PRTFDC1: variants seen among roughly 807,000 people sequenced by gnomAD.
The protein encoded by PRTFDC1 is phosphoribosyltransferase domain-containing protein 1.
PRTFDC1 carries 38 observed loss-of-function variants against 34.6 expected under a neutral mutation model. The observed-to-expected ratio is 1.10, with a 90% confidence interval of 0.85 to 1.44. The LOEUF is 1.44. Ranked by LOEUF, PRTFDC1 falls within the 40% of genes most tolerant of loss-of-function variation. The pLI, the probability that PRTFDC1 is intolerant of heterozygous loss-of-function variation, is 0.00. For synonymous variants in PRTFDC1, 93 were observed against 98.1 expected (o/e 0.95, Z 0.31); for missense variants, 270 against 283.0 (o/e 0.95, Z 0.33).
At chr10:24,866,315 C>A (rs979029497) in intron 4 of PRTFDC1, among the ~76,000 whole-genome samples, 1 of 145,484 alleles carries the variant, frequency 6.9e-6, no homozygotes, top group African/African-American at 2.5e-5. Context: ...GAGCTGAGAT[C>A]GTACCACTGC....
At chr10:24,926,688 C>A (rs914920594) in intron 3 of PRTFDC1, among the ~76,000 whole-genome samples, 1 of 152,216 alleles carries the variant, frequency 6.6e-6, no homozygotes, top group African/African-American at 2.4e-5. Context: ...CCCTGCTGCA[C>A]TGGACTTCAA....
intron 1 of PRTFDC1, among the ~76,000 whole-genome samples, chr10:24,943,910 C>T (rs542792084): frequency 1.3e-5 from 2 of 152,168 alleles, no homozygotes; most frequent in African/African-American, 2.4e-5. Flanking sequence ...CAGCTTTGAG[C>T]TTCTGAGGCC....
Position 24,952,440 on chromosome 10 carries a change from C to G in PRTFDC1, c.48+88G>C. ...CAAAGCGGTGGCCCTCTCTCTCCCCCGACGCACGGCAAGCATTTAATCTAC... is the reference window on the plus strand; with the variant it reads ...CAAAGCGGTGGCCCTCTCTCTCCCCGGACGCACGGCAAGCATTTAATCTAC... On this transcript the variant is annotated intron_variant, in intron 1 of 8. Transcript: ENST00000320152. The surrounding 1 kb of genome is among the most constrained non-coding windows in gnomAD (Gnocchi z 5.1). 6.9e-7 allele frequency: 1 copy of G among 1,443,248 alleles called. No homozygotes were observed. The highest frequency in any genetic ancestry group is 9.5e-7 in the Non-Finnish European group (1 of 1,052,168). 89.4% of individuals were successfully genotyped at this position (1,443,248 alleles called of 1,614,324 possible). A position where few individuals can be genotyped will look rare whatever the true frequency, so the allele number is the denominator to read the frequency against.
At chr10:24,923,733 GTTC>G (rs1379427216) in intron 3 of PRTFDC1, among the ~76,000 whole-genome samples, 6 of 152,300 alleles carry the variant, frequency 3.9e-5, no homozygotes, top group African/African-American at 1.4e-4. Flanking sequence ...AAAAACCAGA[GTTC>G]TTCTTCTCCT....
chr10:24,867,713 G>C (rs2484650), intron 4 of PRTFDC1: 33 of 151,642 alleles, frequency 2.2e-4, no homozygotes, highest in Admixed American at 1.1e-3. Context: ...CTTCAAAGCC[G>C]TCACCTATTT....
intron 3 of PRTFDC1, among the ~76,000 whole-genome samples, chr10:24,887,471 T>TGA (rs1848189858): frequency 6.6e-6 from 1 of 150,744 alleles, no homozygotes; most frequent in Admixed American, 6.6e-5. Flanking sequence ...GCTTCCCCCC[T>TGA]CTCCCTTCGC....
intron 3 of PRTFDC1, among the ~76,000 whole-genome samples, chr10:24,911,989 C>T (rs1368785812): frequency 6.6e-6 from 1 of 152,004 alleles, no homozygotes; most frequent in African/African-American, 2.4e-5. Context: ...AAATTGCCTG[C>T]TGGGTGCTGT....
chr10:24,947,087 C>G (rs1183840969), intron 1 of PRTFDC1, among the ~76,000 whole-genome samples: 1 of 152,202 alleles, frequency 6.6e-6, no homozygotes, highest in African/African-American at 2.4e-5. Flanking sequence ...CTGTAGTAAG[C>G]CATGATCGCA....
chr10:24,866,008 C>T (rs1847767886), intron 4 of PRTFDC1, among the ~76,000 whole-genome samples: 1 of 152,134 alleles, frequency 6.6e-6, no homozygotes, highest in South Asian at 2.1e-4. Flanking sequence ...ATGATTTAAA[C>T]AGTTAAGGCA....
At position 24,942,329 on chromosome 10, in the gene PRTFDC1, C is replaced by T. The variant is rs1001148809; in HGVS notation, c.155+1G>A. 69 of 1,605,150 alleles carry T rather than the reference C, an allele frequency of 4.3e-5. No individual in the cohort carries two copies. The highest frequency in any genetic ancestry group is 5.9e-5 in the Non-Finnish European group (69 of 1,171,932). Reference sequence around the variant, plus strand: ...AGATTGACACAGGAAATCACACTCACCTGTCCACAATGATACCATGAGGGA... The same window carrying T: ...AGATTGACACAGGAAATCACACTCATCTGTCCACAATGATACCATGAGGGA... On this transcript the variant is annotated splice_donor_variant, in intron 2 of 8. Transcript: ENST00000320152. LOFTEE classifies it high-confidence loss of function.
At chr10:24,905,950 G>A (rs1047485746) in intron 3 of PRTFDC1, among the ~76,000 whole-genome samples, 1 of 151,974 alleles carries the variant, frequency 6.6e-6, no homozygotes, top group Non-Finnish European at 1.5e-5. Flanking sequence ...CTATCTCCAT[G>A]AGTTCAATTG....
At chr10:24,919,755 G>A (rs1412033335) in intron 3 of PRTFDC1, among the ~76,000 whole-genome samples, 4 of 151,776 alleles carry the variant, frequency 2.6e-5, no homozygotes, top group Non-Finnish European at 5.9e-5. Flanking sequence ...CTAATATCCA[G>A]AATCTACAAG....
rs1847449907 is a variant in PRTFDC1 at position 24,849,738 on chromosome 10, T to A, written c.*106A>T. 2 of 1,021,738 alleles carry A rather than the reference T, an allele frequency of 2.0e-6. No individual in the cohort carries two copies. Among genetic ancestry groups the A allele is most frequent in the Non-Finnish European group, 3.0e-6 (2 of 664,314 alleles). The allele number at this position is 1,021,738 out of a possible 1,614,324, so 63.3% of individuals were successfully genotyped here. On this transcript the variant is annotated 3_prime_UTR_variant, in exon 9 of 9. Coordinates refer to ENST00000320152, the MANE Select transcript of PRTFDC1 (RefSeq NM_020200.7). ...CATTTGAACATTTTTTTCTTTTATA[T>A]CCTGCTGAGTGAAGATGCCTGGGGG... is the stretch of plus-strand genomic sequence containing the variant.
chr10:24,871,906 T>C (rs921425774), intron 4 of PRTFDC1, 92 bp downstream of exon 4: 2 of 1,079,384 alleles, frequency 1.9e-6, no homozygotes, highest in African/African-American at 1.6e-5. Context: ...CCCGGGAGCA[T>C]GTCTGAAATG....
chr10:24,922,590 T>G (rs1848808208), intron 3 of PRTFDC1, among the ~76,000 whole-genome samples: 1 of 152,208 alleles, frequency 6.6e-6, no homozygotes, highest in Non-Finnish European at 1.5e-5. Context: ...GATATGATTT[T>G]GCCCCTAATT....
chr10:24,858,873 G>C (rs1847627404), intron 4 of PRTFDC1, among the ~76,000 whole-genome samples: 1 of 152,152 alleles, frequency 6.6e-6, no homozygotes, highest in African/African-American at 2.4e-5. Flanking sequence ...TGGGGACTCA[G>C]GATTTCCTCT....
chr10:24,908,918 T>G, intron 3 of PRTFDC1: 1 of 544,906 alleles, frequency 1.8e-6, no homozygotes, highest in Non-Finnish European at 3.1e-6. Context: ...AAATGTAAAG[T>G]CTCATCCTAG....
chr10:24,873,283 T>C lies in PRTFDC1; in HGVS notation c.340-1220A>G, dbSNP rs543906512. Among the ~76,000 whole-genome samples the C allele has an allele frequency of 4.6e-4, 70 of 152,222 alleles. 1 individual carries two copies. Among genetic ancestry groups the C allele is most frequent in the African/African-American group, 1.6e-3 (65 of 41,532 alleles). Reference sequence around the variant, plus strand: ...GATTGTTACATAGTGACCATCATGATAGAATGACACAGAGGCAAAACAAGA... The same window carrying C: ...GATTGTTACATAGTGACCATCATGACAGAATGACACAGAGGCAAAACAAGA... On this transcript the variant is annotated intron_variant, in intron 3 of 8. Coordinates refer to ENST00000320152, the MANE Select transcript of PRTFDC1 (RefSeq NM_020200.7).
chr10:24,860,874 A>G (rs1185627457), intron 4 of PRTFDC1, among the ~76,000 whole-genome samples: 1 of 152,208 alleles, frequency 6.6e-6, no homozygotes, highest in Non-Finnish European at 1.5e-5. Flanking sequence ...AACCAACCAG[A>G]ATACTTGGAG....
Sources: allele counts gnomAD v4.1 joint callset (sites outside exome capture counted in the v4.1 genomes callset), GRCh38; gene constraint gnomAD v4.1.1; non-coding constraint Gnocchi (gnomAD v3.1); transcripts MANE v1.5; gene names NCBI Gene and HGNC (gene_info 2026-07-23, HGNC 2026-07-21).